RRM2: variants seen among roughly 807,000 people sequenced by gnomAD.
RRM2 encodes ribonucleoside-diphosphate reductase subunit M2.
In RRM2, 6 loss-of-function variants were observed where a neutral mutation model predicts 45.9. The ratio of observed to expected loss-of-function variants is 0.13; its 90% CI spans 0.07 to 0.26. RRM2 has a LOEUF of 0.26. Among genes scored for constraint, RRM2 ranks in the 10% least tolerant of loss-of-function variants. The probability of loss-of-function intolerance (pLI) is 1.00; values close to 1 mark genes in which losing one functional copy is unlikely to be tolerated. For synonymous variants in RRM2, 177 were observed against 173.0 expected (o/e 1.02, Z -0.18); for missense variants, 343 against 489.5 (o/e 0.70, Z 2.82).
At chr2:10,140,959 T>C (rs1473673238), upstream of RRM2, among the ~76,000 whole-genome samples, 1 of 152,056 alleles carries the variant, frequency 6.6e-6, no homozygotes, top group East Asian at 1.9e-4. Context: ...GGACCAGGGT[T>C]AGGAGGAGGT....
rs967135985 is a variant in RRM2, at chr2:10,171,775, C to T, written n.482+29400C>T. 3.3e-5 allele frequency among the ~76,000 whole-genome samples: 5 copies of T among 152,212 alleles called. No homozygotes were observed. The highest frequency in any genetic ancestry group is 1.2e-4 in the African/African-American group (5 of 41,448). Reference sequence around the variant, plus strand: ...GTCACAGACACCTCTCCACCAGCAACGTCCCTGAAACAGTCTTTCTTATTA... The same window carrying T: ...GTCACAGACACCTCTCCACCAGCAATGTCCCTGAAACAGTCTTTCTTATTA... On this transcript the variant is annotated intron_variant and non_coding_transcript_variant, in intron 3 of 3. Coordinates refer to the RRM2 transcript ENST00000381786. The surrounding 1 kb of genome is among the most constrained non-coding windows in gnomAD (Gnocchi z 4.1).
At chr2:10,156,467 T>TG (rs1289092625) in intron 3 of RRM2, among the ~76,000 whole-genome samples, 1 of 152,152 alleles carries the variant, frequency 6.6e-6, no homozygotes, top group Non-Finnish European at 1.5e-5. Flanking sequence ...GGGTCCTCTC[T>TG]GGGGGTCCAG....
intron 3 of RRM2, among the ~76,000 whole-genome samples, chr2:10,149,329 G>C (rs964016550): frequency 2.0e-5 from 3 of 152,084 alleles, no homozygotes; most frequent in Non-Finnish European, 2.9e-5. Context: ...GTGTTTTGCC[G>C]TGTTGGCTAG....
chr2:10,179,174 A>T (rs1316195685), intron 3 of RRM2, among the ~76,000 whole-genome samples: 1 of 152,032 alleles, frequency 6.6e-6, no homozygotes, highest in Non-Finnish European at 1.5e-5. Context: ...TTGTTTTGAG[A>T]CAGAGTCTCA....
At chr2:10,150,233 G>T (rs943178042) in intron 3 of RRM2, among the ~76,000 whole-genome samples, 6 of 152,048 alleles carry the variant, frequency 3.9e-5, no homozygotes, top group Non-Finnish European at 7.4e-5. Flanking sequence ...GGATCACGAG[G>T]TCAGGAGATC....
chr2:10,179,512 G>A (rs1663999963), intron 3 of RRM2, among the ~76,000 whole-genome samples: 1 of 152,206 alleles, frequency 6.6e-6, no homozygotes, highest in African/African-American at 2.4e-5. Context: ...TAGTAAAGCT[G>A]CTATGGAGAC....
intron 3 of RRM2, among the ~76,000 whole-genome samples, chr2:10,180,025 C>T (rs72788326): frequency 0.26 from 39,158 of 152,120 alleles, 6,156 homozygotes; most frequent in Non-Finnish European, 0.36. Context: ...CAATGACTTT[C>T]CTGTGGGATG....
chr2:10,142,499 G>A (rs1558386126), intron 3 of RRM2: 6 of 993,960 alleles, frequency 6.0e-6, no homozygotes, highest in South Asian at 1.4e-5. Flanking sequence ...CTGCCAGGTC[G>A]GAAATCCAGG....
chr2:10,170,514 G>A (rs1439259315), intron 3 of RRM2, among the ~76,000 whole-genome samples: 3 of 149,314 alleles, frequency 2.0e-5, no homozygotes, highest in East Asian at 1.9e-4. Flanking sequence ...CCTGTCAGGC[G>A]AGAGAGAGAG....
At chr2:10,198,007 C>T (rs898756513) in intron 3 of RRM2, among the ~76,000 whole-genome samples, 2 of 152,174 alleles carry the variant, frequency 1.3e-5, no homozygotes, top group African/African-American at 4.8e-5. Context: ...CTCCTAAGCA[C>T]GTCCGCTCTG....
chr2:10,207,382 C>T (rs980880487), intron 3 of RRM2, among the ~76,000 whole-genome samples: 4 of 152,208 alleles, frequency 2.6e-5, no homozygotes, highest in Admixed American at 2.6e-4. Flanking sequence ...CCACACCGAA[C>T]CCGAGGCTCT....
At chr2:10,165,308 C>T (rs35110249) in intron 3 of RRM2, among the ~76,000 whole-genome samples, 22,269 of 152,214 alleles carry the variant, frequency 0.15, 1,826 homozygotes, top group South Asian at 0.34. Flanking sequence ...CCATCAAACA[C>T]GTTTCCCTTT....
intron 3 of RRM2, among the ~76,000 whole-genome samples, chr2:10,202,228 C>T (rs894095338): frequency 2.6e-5 from 4 of 152,180 alleles, no homozygotes; most frequent in Non-Finnish European, 5.9e-5. Flanking sequence ...AATCCTTTAA[C>T]CTTTCAAACT....
intron 3 of RRM2, among the ~76,000 whole-genome samples, chr2:10,148,598 T>C (rs1303748715): frequency 6.6e-6 from 1 of 152,208 alleles, no homozygotes; most frequent in Non-Finnish European, 1.5e-5. Context: ...CCTTTATGAA[T>C]TGATGTTTTC....
At chr2:10,124,626 TG>T (rs1364296147) in intron 4 of RRM2, 90 bp from the exon 5 acceptor site, 2 of 1,375,672 alleles carry the variant, frequency 1.5e-6, no homozygotes, top group African/African-American at 2.9e-5. Flanking sequence ...AACCTTATAA[TG>T]GTACAAAGAG....
At chr2:10,191,574 A>G (rs1664308027) in intron 3 of RRM2, among the ~76,000 whole-genome samples, 1 of 152,108 alleles carries the variant, frequency 6.6e-6, no homozygotes, top group Admixed American at 6.5e-5. Flanking sequence ...CTGCCCACAA[A>G]GGGAAGTCTC....
chr2:10,133,703 A>AT (rs33987822), downstream of RRM2, among the ~76,000 whole-genome samples: 4,902 of 133,170 alleles, frequency 0.037, 275 homozygotes, highest in African/African-American at 0.12. Context: ...TGACATCAGG[A>AT]TTTTTTTTTT....
intron 5 of RRM2, 150 bp from the exon 6 acceptor site, chr2:10,126,725 A>G (rs1662786466): frequency 1.2e-5 from 8 of 671,326 alleles, no homozygotes; most frequent in Non-Finnish European, 2.1e-5. Flanking sequence ...ACCAGTAAAA[A>G]TAAAACATTT....
intron 3 of RRM2, among the ~76,000 whole-genome samples, chr2:10,178,663 T>C (rs571766594): frequency 2.0e-5 from 3 of 152,304 alleles, no homozygotes; most frequent in African/African-American, 7.2e-5. Context: ...TGGGATTGGC[T>C]TTTTGCAGTC....
Sources: gnomAD v4.1 joint callset for allele counts (sites outside exome capture counted in the v4.1 genomes callset) on GRCh38, gnomAD v4.1.1 for gene constraint, Gnocchi (gnomAD v3.1) non-coding constraint, MANE v1.5 for transcripts, NCBI Gene and HGNC (gene_info 2026-07-23, HGNC 2026-07-21) for gene names.